Variants in ROBO2 observed in about 807,000 individuals in gnomAD.
The protein encoded by ROBO2 is roundabout guidance receptor 2, also known as roundabout homolog 2.
In ROBO2, 53 loss-of-function variants were observed where a neutral mutation model predicts 160.8. That is an observed-to-expected ratio of 0.33 (90% CI 0.26 to 0.41). The LOEUF (loss-of-function observed/expected upper bound fraction) is 0.41. ROBO2 is among the 10% of genes least tolerant of loss of function. The pLI is 1.00. For missense variants in ROBO2, 1,577 were observed against 1,722.4 expected (o/e 0.92, Z 1.49); for synonymous variants, 664 against 611.7 (o/e 1.09, Z -1.26).
intron 2 of ROBO2, among the ~76,000 whole-genome samples, chr3:76,326,980 A>G (rs920557760): frequency 2.0e-5 from 3 of 152,054 alleles, no homozygotes; most frequent in Non-Finnish European, 4.4e-5. Context: ...ATAATTTTGT[A>G]TCTTATTTTC....
At chr3:76,859,701 C>T (rs766072535) in intron 2 of ROBO2, among the ~76,000 whole-genome samples, 3 of 152,334 alleles carry the variant, frequency 2.0e-5, no homozygotes, top group Middle Eastern at 3.4e-3. Context: ...TCAGCCACAA[C>T]CTCCTGCAGC....
chr3:77,230,620 A>AT (rs1422790452), intron 2 of ROBO2, among the ~76,000 whole-genome samples: 2 of 152,336 alleles, frequency 1.3e-5, no homozygotes, highest in East Asian at 3.9e-4. Flanking sequence ...TTCTATTAGA[A>AT]TCATTCAAGC....
intron 2 of ROBO2, among the ~76,000 whole-genome samples, chr3:77,242,353 G>A (rs972546636): frequency 2.0e-5 from 3 of 152,012 alleles, no homozygotes; most frequent in Non-Finnish European, 4.4e-5. Context: ...CTTTTCTGTG[G>A]TATGTATTCT....
chr3:76,246,550 G>A (rs866164587), intron 2 of ROBO2, among the ~76,000 whole-genome samples: 3 of 152,048 alleles, frequency 2.0e-5, no homozygotes, highest in East Asian at 1.9e-4. Flanking sequence ...CTAATTATTA[G>A]TAGGTTTATG....
At chr3:76,129,754 A>C (rs1238894945) in intron 2 of ROBO2, among the ~76,000 whole-genome samples, 4 of 152,084 alleles carry the variant, frequency 2.6e-5, no homozygotes, top group Admixed American at 2.6e-4. Flanking sequence ...TGACTGAGGC[A>C]ATTCCCCACA....
At chr3:76,885,493 TTAA>T (rs2073786081) in intron 2 of ROBO2, among the ~76,000 whole-genome samples, 1 of 152,196 alleles carries the variant, frequency 6.6e-6, no homozygotes, top group Admixed American at 6.5e-5. Flanking sequence ...TCATAATTTA[TTAA>T]TGATAGAGTT....
intron 2 of ROBO2, among the ~76,000 whole-genome samples, chr3:76,636,956 A>AG (rs2090373756): frequency 1.3e-5 from 1 of 79,522 alleles, no homozygotes; most frequent in South Asian, 3.7e-4. Flanking sequence ...CAGGCCAACA[A>AG]TGGGGAAAAC....
rs2060637789 is a variant in ROBO2, at chr3:76,991,027, C to G, written c.110-106987C>G. Among the ~76,000 whole-genome samples, 3 of 152,298 alleles carry G rather than the reference C, an allele frequency of 2.0e-5. 1 individual carries two copies. In the South Asian group the frequency reaches 6.2e-4, roughly 32 times the overall value. On this transcript the variant is annotated intron_variant, in intron 2 of 26. Transcript: ENST00000487694. ...GTAAAACCCAGGTCAGAAGGTCAAA[C>G]TGGTCACTTGTCTTTCAAGTTGCCC...
intron 2 of ROBO2, among the ~76,000 whole-genome samples, chr3:76,012,260 G>T (rs376630595): frequency 1.3e-5 from 2 of 152,048 alleles, no homozygotes; most frequent in South Asian, 4.1e-4. Flanking sequence ...TAATTATAAA[G>T]TATACTATTT....
intron 2 of ROBO2, among the ~76,000 whole-genome samples, chr3:76,838,568 G>T (rs1042746804): frequency 7.2e-5 from 11 of 152,042 alleles, no homozygotes; most frequent in African/African-American, 2.4e-4. Flanking sequence ...TGAGCAGTCA[G>T]TCCTTTCAGC....
intron 2 of ROBO2, among the ~76,000 whole-genome samples, chr3:76,109,807 C>G (rs1017280889): frequency 2.6e-5 from 4 of 151,876 alleles, no homozygotes; most frequent in African/African-American, 9.7e-5. Context: ...TTTTTCATCC[C>G]TCATCCCTCT....
In ROBO2 at chr3:76,531,620, CT is replaced by C. The variant is rs74266991; in HGVS notation, c.110-566377del. Among the ~76,000 whole-genome samples the C allele has an allele frequency of 3.1e-3, 376 of 121,812 alleles. 1 individual carries two copies. Among genetic ancestry groups the C allele is most frequent in the Middle Eastern group, 0.03 (6 of 202 alleles). 79.9% of individuals were successfully genotyped at this position (121,812 alleles called of 152,430 possible). ...TTGTTTTGTTTTGTTTGTACAGTTT[CT>C]TTTTTTTTTTTTTTTTGGTACCCTA... On this transcript the variant is annotated intron_variant, in intron 2 of 26. Transcript: ENST00000487694.
chr3:77,621,428 C>CA (rs1364869606), intron 22 of ROBO2, among the ~76,000 whole-genome samples: 3 of 138,096 alleles, frequency 2.2e-5, no homozygotes, highest in Admixed American at 7.7e-5. Flanking sequence ...CCCTTCTCTC[C>CA]AAAAAATTAA....
intron 2 of ROBO2, among the ~76,000 whole-genome samples, chr3:76,752,976 A>G (rs1313881362): frequency 1.3e-5 from 2 of 151,930 alleles, no homozygotes; most frequent in Non-Finnish European, 2.9e-5. Context: ...ATATGACCCA[A>G]TTAAACAAAT....
intron 2 of ROBO2, among the ~76,000 whole-genome samples, chr3:77,476,351 T>C (rs907082539): frequency 1.3e-5 from 2 of 150,592 alleles, no homozygotes; most frequent in Non-Finnish European, 2.9e-5. Context: ...GCTTGATGTG[T>C]GCATGTGTCT....
intron 2 of ROBO2, among the ~76,000 whole-genome samples, chr3:77,369,285 C>A (rs1401990585): frequency 6.6e-6 from 1 of 152,172 alleles, no homozygotes; most frequent in Non-Finnish European, 1.5e-5. Context: ...GAAGTCCTCA[C>A]TCTCAGGATC....
chr3:76,843,368 A>G (rs1241844643), intron 2 of ROBO2, among the ~76,000 whole-genome samples: 1 of 151,984 alleles, frequency 6.6e-6, no homozygotes, highest in Non-Finnish European at 1.5e-5. Context: ...TAGTGCATCA[A>G]TTACATTGTT....
intron 2 of ROBO2, among the ~76,000 whole-genome samples, chr3:76,033,730 G>T (rs1484042783): frequency 2.6e-5 from 4 of 152,168 alleles, no homozygotes; most frequent in African/African-American, 9.7e-5. Context: ...TTTTGGCTGG[G>T]ACAGCTCACC....
chr3:76,668,252 A>T (rs1283665763), intron 2 of ROBO2, among the ~76,000 whole-genome samples: 2 of 146,012 alleles, frequency 1.4e-5, no homozygotes, highest in Non-Finnish European at 3.0e-5. Context: ...GGAATGTGCT[A>T]CCACGCCCAG....
Sources: allele counts gnomAD v4.1 joint callset (sites outside exome capture counted in the v4.1 genomes callset), GRCh38; gene constraint gnomAD v4.1.1; transcripts MANE v1.5; gene names NCBI Gene and HGNC (gene_info 2026-07-23, HGNC 2026-07-21).